BROX: variants seen among roughly 807,000 people sequenced by gnomAD.
BROX encodes BRO1 domain and CAAX motif containing.
A neutral mutation model predicts 61.0 loss-of-function variants in BROX; 53 were observed. That is an observed-to-expected ratio of 0.87 (90% CI 0.70 to 1.09). The LOEUF (loss-of-function observed/expected upper bound fraction) is 1.09. Among genes scored for constraint, BROX ranks in the 50% least tolerant of loss-of-function variants. The pLI is 0.00. For missense variants in BROX, 489 were observed against 472.0 expected (o/e 1.04, Z -0.33); for synonymous variants, 152 against 160.2 (o/e 0.95, Z 0.38).
In BROX at chr1:222,724,042, A is replaced by C. The variant is rs765365336; in HGVS notation, c.402-50A>C. 7 of 1,330,286 alleles carry C rather than the reference A, an allele frequency of 5.3e-6. No homozygotes were observed. The African/African-American group carries it at 1.0e-4, about 20-fold the overall frequency. The allele number at this position is 1,330,286 out of a possible 1,614,324, so 82.4% of individuals were successfully genotyped here. ...ATAATGTATTGGTTGTTGTGTTTTA[A>C]TACCAGAAATGGAATTCATCCTCTA... On this transcript the variant is annotated intron_variant, in intron 5 of 12. Coordinates refer to ENST00000340934, the MANE Select transcript of BROX (RefSeq NM_144695.4).
At chr1:222,728,031 G>T (rs756517151) in intron 8 of BROX, among the ~76,000 whole-genome samples, 1 of 152,126 alleles carries the variant, frequency 6.6e-6, no homozygotes, top group Non-Finnish European at 1.5e-5. Context: ...GAAAAAGTAT[G>T]CATGCTTGGA....
intron 1 of BROX, chr1:222,715,083 T>C (rs1558224237): frequency 6.6e-6 from 1 of 152,188 alleles, no homozygotes; most frequent in Non-Finnish European, 1.5e-5. Flanking sequence ...ATAATCAGGG[T>C]TACCATTTGA....
At chr1:222,715,839 CT>C (rs763840640) in intron 2 of BROX, 39 bp downstream of exon 2, 77 of 1,333,600 alleles carry the variant, frequency 5.8e-5, no homozygotes, top group Middle Eastern at 1.9e-4. Flanking sequence ...ATGCAAGGTA[CT>C]TTTTTTGGTT....
At position 222,724,104 on chromosome 1, in the gene BROX, T is replaced by C; in HGVS notation, c.414T>C (p.Asp138=). The part of the protein sequence containing the change: ...RLAGKENITE[D]EAKEVHRSLK... ...CCCTATCTTTAAGTATAACAGAAGA[T>C]GAAGCAAAAGAAGTTCATCGAAGCC... Residue 138 remains aspartate (D), a synonymous_variant, in exon 6 of 13, where the codon GAT becomes GAC. Transcript: ENST00000340934. 1 of 1,610,036 alleles carries C rather than the reference T, an allele frequency of 6.2e-7. No homozygotes were observed. The highest frequency in any genetic ancestry group is 1.1e-5 in the South Asian group (1 of 90,074).
chr1:222,729,526 A>G, intron 9 of BROX, 94 bp from the exon 10 acceptor site: 2 of 868,912 alleles, frequency 2.3e-6, no homozygotes, highest in Middle Eastern at 2.3e-4. Context: ...ACTTCAGTGT[A>G]TGAAGGTACT....
intron 1 of BROX, among the ~76,000 whole-genome samples, chr1:222,714,209 C>CTTTTT (rs397864188): frequency 3.9e-5 from 5 of 126,812 alleles, no homozygotes; most frequent in African/African-American, 6.4e-5. Context: ...AGACATGCTG[C>CTTTTT]TTTTTTTTTT....
intron 1 of BROX, chr1:222,713,876 A>G (rs1425546072): frequency 6.6e-6 from 1 of 152,168 alleles, no homozygotes; most frequent in Non-Finnish European, 1.5e-5. Flanking sequence ...TTTGAGTCCT[A>G]AATAAACCTG....
At chr1:222,724,651 A>G (rs935723290) in intron 6 of BROX, among the ~76,000 whole-genome samples, 1 of 152,190 alleles carries the variant, frequency 6.6e-6, no homozygotes, top group African/African-American at 2.4e-5. Context: ...TGTGTCTTTT[A>G]AACAATGTCC....
At chr1:222,722,042 A>G (rs952764278) in intron 4 of BROX, among the ~76,000 whole-genome samples, 5 of 152,156 alleles carry the variant, frequency 3.3e-5, no homozygotes, top group Admixed American at 1.3e-4. Flanking sequence ...AAAATGTTGT[A>G]TAAGAGCCAC....
chr1:222,730,590 T>C (rs2125042184), intron 11 of BROX, among the ~76,000 whole-genome samples: 1 of 152,350 alleles, frequency 6.6e-6, no homozygotes, highest in South Asian at 2.1e-4. Context: ...TGAGACACTG[T>C]CTCAAATATA....
At position 222,728,855 on chromosome 1, in the gene BROX, T is replaced by A. The variant is rs781369552; in HGVS notation, c.756+27T>A. ...TAAGTATTCACAACGCTAAAAACAA[T>A]GTAAATTATTGTTTCTCCAGCCCTT... On this transcript the variant is annotated intron_variant, in intron 9 of 12. Transcript: ENST00000340934. 16 of 1,495,312 alleles carry A rather than the reference T, an allele frequency of 1.1e-5. No individual in the cohort carries two copies. In the Admixed American group the frequency reaches 2.7e-4, roughly 26 times the overall value. 92.6% of individuals were successfully genotyped at this position (1,495,312 alleles called of 1,614,324 possible).
Position 222,733,990 on chromosome 1 carries a change from T to C in BROX, c.*1276T>C, listed in dbSNP as rs1658131027. 1.3e-5 allele frequency: 2 copies of C among 152,210 alleles called. No homozygotes were observed. Among genetic ancestry groups the C allele is most frequent in the African/African-American group, 4.8e-5 (2 of 41,470 alleles). 9.4% of individuals were successfully genotyped at this position (152,210 alleles called of 1,614,324 possible). On this transcript the variant is annotated 3_prime_UTR_variant, in exon 13 of 13. Coordinates refer to ENST00000340934, the MANE Select transcript of BROX (RefSeq NM_144695.4). Reference sequence around the variant, plus strand: ...TGTACATTGTTTTTATGTGGTTTTCTGATAATGTCCTGTCAGAATTGTATT... The same window carrying C: ...TGTACATTGTTTTTATGTGGTTTTCCGATAATGTCCTGTCAGAATTGTATT...
chr1:222,718,384 A>T (rs1191653466), intron 2 of BROX, among the ~76,000 whole-genome samples: 1 of 152,196 alleles, frequency 6.6e-6, no homozygotes. Flanking sequence ...GTTGAATTAC[A>T]TGTCAAGGAT....
chr1:222,725,999 C>G (rs1220330841), intron 7 of BROX, among the ~76,000 whole-genome samples: 1 of 152,250 alleles, frequency 6.6e-6, no homozygotes, highest in Admixed American at 6.5e-5. Context: ...AATAAGTTTA[C>G]CTTTAGCATT....
rs765166768 is a variant in BROX at position 222,730,158 on chromosome 1, C to T, written c.970C>T (p.Gln324Ter). 6.2e-7 allele frequency: 1 copy of T among 1,607,184 alleles called. No homozygotes were observed. Residue 324 changes from glutamine to a stop codon, truncating the protein, a stop_gained, in exon 11 of 13, where the codon CAG (glutamine) becomes TAG (stop). Coordinates refer to ENST00000340934, the MANE Select transcript of BROX (RefSeq NM_144695.4). LOFTEE classifies it high-confidence loss of function. ...TGTGAAGAACACCCTAGAAAAATGTCAGAGAGAAAATGGATTTATGTGAGT... is the reference window on the plus strand; with the variant it reads ...TGTGAAGAACACCCTAGAAAAATGTTAGAGAGAAAATGGATTTATGTGAGT... ...NLVKNTLEKC[Q>*]RENGFIYFQK...
Position 222,712,862 on chromosome 1 carries a change from C to A in BROX, c.-97C>A, listed in dbSNP as rs991644144. 6 of 1,272,872 alleles carry A rather than the reference C, an allele frequency of 4.7e-6. No individual in the cohort carries two copies. Among genetic ancestry groups the A allele is most frequent in the Non-Finnish European group, 5.1e-6 (5 of 978,244 alleles). The allele number at this position is 1,272,872 out of a possible 1,614,324, so 78.8% of individuals were successfully genotyped here. A position where few individuals can be genotyped will look rare whatever the true frequency, so the allele number is the denominator to read the frequency against. Reference sequence around the variant, plus strand: ...GTTCTGTAGTCTCGGTTCTCCGACTCCCTCTTTTTCTCGCTTGTGGACTCC... The same window carrying A: ...GTTCTGTAGTCTCGGTTCTCCGACTACCTCTTTTTCTCGCTTGTGGACTCC... On this transcript the variant is annotated 5_prime_UTR_variant, in exon 1 of 13. Coordinates refer to ENST00000340934, the MANE Select transcript of BROX (RefSeq NM_144695.4).
chr1:222,718,210 C>G (rs1315595940), intron 2 of BROX: 1 of 152,030 alleles, frequency 6.6e-6, no homozygotes, highest in Non-Finnish European at 1.5e-5. Context: ...ACAAGGGGAG[C>G]ACCTGGAAAA....
rs376200156 is a variant in BROX, at chr1:222,733,753, G to T, written c.*1039G>T. 2.6e-5 allele frequency: 4 copies of T among 152,230 alleles called. No homozygotes were observed. The highest frequency in any genetic ancestry group is 9.6e-5 in the African/African-American group (4 of 41,544). 9.4% of individuals were successfully genotyped at this position (152,230 alleles called of 1,614,324 possible). On this transcript the variant is annotated 3_prime_UTR_variant, in exon 13 of 13. Transcript: ENST00000340934. ...TTTTACAAATATCTTTTTCTAGTGG[G>T]TTTTTTACTTAGAGGAAAGAACTTT...
At chr1:222,731,029 T>C (rs148711145) in intron 11 of BROX, among the ~76,000 whole-genome samples, 1 of 152,314 alleles carries the variant, frequency 6.6e-6, no homozygotes, top group African/African-American at 2.4e-5. Flanking sequence ...TTCTTCCCCT[T>C]ATATTCTTCA....
Sources: allele counts gnomAD v4.1 joint callset (sites outside exome capture counted in the v4.1 genomes callset), GRCh38; gene constraint gnomAD v4.1.1; transcripts MANE v1.5; gene names NCBI Gene and HGNC (gene_info 2026-07-23, HGNC 2026-07-21).